SOX5: variants seen among roughly 807,000 people sequenced by gnomAD.
The protein encoded by SOX5 is transcription factor SOX-5.
A neutral mutation model predicts 92.0 loss-of-function variants in SOX5; 9 were observed. That is an observed-to-expected ratio of 0.10 (90% CI 0.06 to 0.17). SOX5 has a LOEUF of 0.17. Ranked by LOEUF, SOX5 falls within the 10% of genes least tolerant of loss-of-function variation. The probability of loss-of-function intolerance (pLI) is 1.00; values close to 1 mark genes in which losing one functional copy is unlikely to be tolerated. For missense variants in SOX5, 642 were observed against 944.5 expected, an observed-to-expected ratio of 0.68 and a Z score of 4.20; for synonymous variants, 344 against 336.3, an observed-to-expected ratio of 1.02 and a Z score of -0.25.
chr12:24,038,359 A>G (rs553715100), intron 4 of SOX5, among the ~76,000 whole-genome samples: 2 of 152,280 alleles, frequency 1.3e-5, no homozygotes, highest in African/African-American at 2.4e-5. Flanking sequence ...AGAAACCAGG[A>G]GTAAAGAGGG....
At chr12:23,628,439 C>T (rs1463033636) in intron 8 of SOX5, among the ~76,000 whole-genome samples, 1 of 152,042 alleles carries the variant, frequency 6.6e-6, no homozygotes, top group Admixed American at 6.6e-5. Flanking sequence ...TTCACTAACA[C>T]TATTACTTTT....
rs570679825 is a variant in SOX5, at chr12:24,374,861, A to C, written c.-250-6222T>G. Among the ~76,000 whole-genome samples, 4 of 152,344 alleles carry C rather than the reference A, an allele frequency of 2.6e-5. No homozygotes were observed. In the East Asian group the frequency reaches 7.7e-4, roughly 29 times the overall value. On this transcript the variant is annotated intron_variant, in intron 1 of 4. Transcript: ENST00000446891. ...TAGTTGGGACAGAGGCAGGGCCTGC[A>C]CTAGAGTGAGATTTGTGTAGTCACT...
chr12:24,499,936 T>C (rs1313079288), intron 1 of SOX5, among the ~76,000 whole-genome samples: 1 of 152,158 alleles, frequency 6.6e-6, no homozygotes, highest in Non-Finnish European at 1.5e-5. Flanking sequence ...TAAACACAGA[T>C]TTTATTATAT....
At chr12:24,048,519 G>A (rs565840046) in intron 4 of SOX5, among the ~76,000 whole-genome samples, 8 of 151,970 alleles carry the variant, frequency 5.3e-5, no homozygotes, top group South Asian at 2.1e-4. Flanking sequence ...AATATATGTC[G>A]ACACAAAAAC....
At chr12:24,426,100 C>G (rs1425786784) in intron 1 of SOX5, among the ~76,000 whole-genome samples, 1 of 151,996 alleles carries the variant, frequency 6.6e-6, no homozygotes, top group African/African-American at 2.4e-5. Flanking sequence ...TTTGGGAGGC[C>G]AAGGCGGGTG....
chr12:24,132,495 G>A (rs1204006278), intron 4 of SOX5, among the ~76,000 whole-genome samples: 1 of 152,116 alleles, frequency 6.6e-6, no homozygotes, highest in Non-Finnish European at 1.5e-5. Flanking sequence ...GTCCATCGAT[G>A]TTCATGTAAA....
intron 1 of SOX5, among the ~76,000 whole-genome samples, chr12:24,558,768 A>T (rs1954055880): frequency 6.6e-6 from 1 of 152,236 alleles, no homozygotes; most frequent in Non-Finnish European, 1.5e-5. Flanking sequence ...CACACACACA[A>T]AGTAAACAAC....
intron 4 of SOX5, among the ~76,000 whole-genome samples, chr12:24,079,092 A>G (rs1295333044): frequency 6.6e-6 from 1 of 151,822 alleles, no homozygotes; most frequent in African/African-American, 2.4e-5. Flanking sequence ...GCTCTGTTCA[A>G]CATCACCTCA....
At chr12:24,049,800 A>T (rs1957388844) in intron 4 of SOX5, among the ~76,000 whole-genome samples, 1 of 151,954 alleles carries the variant, frequency 6.6e-6, no homozygotes, top group African/African-American at 2.4e-5. Context: ...AAAGTTACTC[A>T]GCTGAAGTTG....
chr12:23,793,990 G>C (rs1567812331), intron 3 of SOX5, among the ~76,000 whole-genome samples: 1 of 152,082 alleles, frequency 6.6e-6, no homozygotes, highest in Non-Finnish European at 1.5e-5. Flanking sequence ...TGGCATATTT[G>C]TTTTGTTACA....
At chr12:24,057,871 T>C (rs1461566745) in intron 4 of SOX5, among the ~76,000 whole-genome samples, 1 of 152,246 alleles carries the variant, frequency 6.6e-6, no homozygotes, top group African/African-American at 2.4e-5. Flanking sequence ...GAAATAAGTC[T>C]GCTGGTGTAA....
chr12:24,524,014 T>C (rs1950481364), intron 1 of SOX5, among the ~76,000 whole-genome samples: 2 of 152,198 alleles, frequency 1.3e-5, no homozygotes, highest in Middle Eastern at 3.2e-3. Flanking sequence ...GGTGTCAACT[T>C]GATTGGATTG....
chr12:24,190,373 T>C (rs1260113503), intron 4 of SOX5, among the ~76,000 whole-genome samples: 1 of 152,200 alleles, frequency 6.6e-6, no homozygotes, highest in African/African-American at 2.4e-5. Flanking sequence ...AAAGGAGATA[T>C]CAGATGCAAT....
At chr12:23,933,841 G>C (rs944803152) in intron 1 of SOX5, among the ~76,000 whole-genome samples, 1 of 151,378 alleles carries the variant, frequency 6.6e-6, no homozygotes, top group East Asian at 1.9e-4. Flanking sequence ...CCTCAATCTC[G>C]GCAAGAATAC....
chr12:24,002,129 GT>G (rs1053658000), intron 4 of SOX5, among the ~76,000 whole-genome samples: 3 of 152,032 alleles, frequency 2.0e-5, no homozygotes, highest in African/African-American at 7.2e-5. Context: ...AATGACTTCA[GT>G]TTGCATGTTT....
At chr12:23,969,039 C>T (rs1947922932) in intron 4 of SOX5, among the ~76,000 whole-genome samples, 1 of 152,200 alleles carries the variant, frequency 6.6e-6, no homozygotes, top group Admixed American at 6.5e-5. Flanking sequence ...CACCTCTCTA[C>T]CTTTGACCCC....
At chr12:23,990,211 T>A (rs1484418083) in intron 4 of SOX5, among the ~76,000 whole-genome samples, 1 of 152,160 alleles carries the variant, frequency 6.6e-6, no homozygotes, top group Non-Finnish European at 1.5e-5. Context: ...CTCTGTCTTA[T>A]TTTCATCTGG....
intron 6 of SOX5, among the ~76,000 whole-genome samples, chr12:23,680,470 G>T (rs1593227495): frequency 6.6e-6 from 1 of 151,294 alleles, no homozygotes; most frequent in East Asian, 1.9e-4. Flanking sequence ...CACAGAGACA[G>T]AAAGATGGAA....
intron 3 of SOX5, among the ~76,000 whole-genome samples, chr12:23,800,604 C>T (rs2142140026): frequency 6.6e-6 from 1 of 151,910 alleles, no homozygotes; most frequent in African/African-American, 2.4e-5. Context: ...AGCTACACCA[C>T]TAAACTGTTA....
Sources: gnomAD v4.1 joint callset for allele counts (sites outside exome capture counted in the v4.1 genomes callset) on GRCh38, gnomAD v4.1.1 for gene constraint, MANE v1.5 for transcripts, NCBI Gene and HGNC (gene_info 2026-07-23, HGNC 2026-07-21) for gene names.